GREB1: variants seen among roughly 807,000 people sequenced by gnomAD.
GREB1 encodes protein GREB1.
GREB1 carries 106 observed loss-of-function variants against 200.7 expected under a neutral mutation model. The ratio of observed to expected loss-of-function variants is 0.53; its 90% CI spans 0.45 to 0.62. The LOEUF is 0.62. GREB1 is among the 20% of genes least tolerant of loss of function. The pLI is 0.00. For missense variants in GREB1, 2,243 were observed against 2,556.8 expected, an observed-to-expected ratio of 0.88 and a Z score of 2.65; for synonymous variants, 1,132 against 1,092.4, an observed-to-expected ratio of 1.04 and a Z score of -0.72.
At chr2:11,544,022 G>A (rs1312494251) in intron 1 of GREB1, among the ~76,000 whole-genome samples, 1 of 152,156 alleles carries the variant, frequency 6.6e-6, no homozygotes, top group Non-Finnish European at 1.5e-5. Flanking sequence ...TGTTATCTTA[G>A]GAAGTGAGTT....
chr2:11,542,304 AT>A (rs1674834827), intron 1 of GREB1, among the ~76,000 whole-genome samples: 1 of 152,142 alleles, frequency 6.6e-6, no homozygotes, highest in Non-Finnish European at 1.5e-5. Flanking sequence ...AGACCTGGCT[AT>A]CTGTACTTGA....
chr2:11,516,652 G>T (rs1037037098), intron 1 of GREB1, among the ~76,000 whole-genome samples: 1 of 151,522 alleles, frequency 6.6e-6, no homozygotes, highest in African/African-American at 2.4e-5. Context: ...GGGCCCATGC[G>T]GTTGAGGCGT....
At chr2:11,596,662 TG>T (rs1480935815) in intron 13 of GREB1, among the ~76,000 whole-genome samples, 5 of 23,694 alleles carry the variant, frequency 2.1e-4, no homozygotes, top group African/African-American at 6.8e-4. Context: ...TGAGAGTAGG[TG>T]GGGGCACAGG....
chr2:11,511,064 G>C (rs1673335920), intron 1 of GREB1, among the ~76,000 whole-genome samples: 1 of 152,112 alleles, frequency 6.6e-6, no homozygotes, highest in South Asian at 2.1e-4. Context: ...GCCCAGCTTT[G>C]GCCAGCGCAA....
Position 11,592,784 on chromosome 2 carries a change from C to A in GREB1, c.1354C>A (p.Gln452Lys). ...VYYLVQLAADQVPLMEDLEQI... is the reference protein window; with the variant it reads ...VYYLVQLAADKVPLMEDLEQI... ...CCCGCATTGTGTTGCAGCCGCGGAC[C>A]AGGTGCCCTTGATGGAGGACCTGGA... Residue 452 changes from glutamine to lysine, a missense_variant, in exon 11 of 33, where the codon CAG becomes AAG. By Grantham distance (53) the Gln-to-Lys change is moderately conservative. Transcript: ENST00000381486. 1 of 1,530,074 alleles carries A rather than the reference C, an allele frequency of 6.5e-7. No individual in the cohort carries two copies. Among genetic ancestry groups the A allele is most frequent in the Non-Finnish European group, 8.7e-7 (1 of 1,145,446 alleles). 94.8% of individuals were successfully genotyped at this position (1,530,074 alleles called of 1,614,324 possible).
intron 1 of GREB1, among the ~76,000 whole-genome samples, chr2:11,519,448 G>GTTTTTTTTT (rs1558497818): frequency 2.2e-5 from 2 of 90,170 alleles, no homozygotes; most frequent in African/African-American, 1.1e-4. Context: ...TACTTGTTTT[G>GTTTTTTTTT]GTTTTTTTTT....
intron 1 of GREB1, among the ~76,000 whole-genome samples, chr2:11,514,844 T>G (rs916672479): frequency 2.6e-5 from 4 of 152,246 alleles, no homozygotes; most frequent in Admixed American, 6.5e-5. Context: ...CAGGCATCAG[T>G]CATCTCTGTA....
At chr2:11,519,578 C>G (rs1296927166) in intron 1 of GREB1, among the ~76,000 whole-genome samples, 1 of 149,208 alleles carries the variant, frequency 6.7e-6, no homozygotes, top group Non-Finnish European at 1.5e-5. Flanking sequence ...CCCTCAGTCT[C>G]CTGAGTAGCT....
chr2:11,560,665 T>G (rs1271440840), intron 2 of GREB1, among the ~76,000 whole-genome samples: 1 of 151,748 alleles, frequency 6.6e-6, no homozygotes, highest in African/African-American at 2.4e-5. Flanking sequence ...CGCACCATTT[T>G]ACTCCAGTGT....
At chr2:11,599,454 T>C (rs1459216041) in intron 15 of GREB1, among the ~76,000 whole-genome samples, 1 of 148,988 alleles carries the variant, frequency 6.7e-6, no homozygotes, top group Admixed American at 6.7e-5. Context: ...ATTCTCCCAC[T>C]TCACCCTCCT....
chr2:11,615,669 T>G (rs1389546161), intron 20 of GREB1, among the ~76,000 whole-genome samples: 1 of 152,234 alleles, frequency 6.6e-6, no homozygotes, highest in African/African-American at 2.4e-5. Context: ...TAGTGTGATT[T>G]GCTTGTTTAT....
intron 13 of GREB1, among the ~76,000 whole-genome samples, chr2:11,596,804 CAG>C (rs199602270): frequency 0.013 from 1,040 of 81,130 alleles, 30 homozygotes; most frequent in African/African-American, 0.048. Context: ...TGTAAAGTGA[CAG>C]GGGGCAGGAT....
At chr2:11,619,518 T>C (rs767440756) in intron 22 of GREB1, among the ~76,000 whole-genome samples, 1 of 152,214 alleles carries the variant, frequency 6.6e-6, no homozygotes, top group South Asian at 2.1e-4. Context: ...TTACTTTTTC[T>C]GATTTAAAAA....
At chr2:11,512,053 G>A (rs2148451759) in intron 1 of GREB1, among the ~76,000 whole-genome samples, 1 of 152,264 alleles carries the variant, frequency 6.6e-6, no homozygotes, top group African/African-American at 2.4e-5. Context: ...AATTCCCAAG[G>A]CACTGGCAAT....
At chr2:11,586,583 A>G (rs1680119869) in intron 9 of GREB1, among the ~76,000 whole-genome samples, 1 of 152,242 alleles carries the variant, frequency 6.6e-6, no homozygotes, top group East Asian at 1.9e-4. Context: ...ACATGGCAAC[A>G]CACACATACA....
intron 3 of GREB1, among the ~76,000 whole-genome samples, chr2:11,564,997 A>C (rs1015416051): frequency 1.3e-5 from 2 of 152,090 alleles, no homozygotes; most frequent in Non-Finnish European, 2.9e-5. Context: ...CGTGGGAAAG[A>C]CCCACCCCCA....
intron 4 of GREB1, among the ~76,000 whole-genome samples, chr2:11,568,991 T>G (rs1572739966): frequency 6.6e-6 from 1 of 152,238 alleles, no homozygotes; most frequent in Admixed American, 6.5e-5. Flanking sequence ...CAGGGCTCAG[T>G]GCTTTTTAGT....
intron 22 of GREB1, 105 bp downstream of exon 22, chr2:11,619,024 C>T: frequency 8.9e-7 from 1 of 1,121,520 alleles, no homozygotes; most frequent in Non-Finnish European, 1.2e-6. Flanking sequence ...CTTCACTTTT[C>T]ACCCTTCCCG....
intron 2 of GREB1, among the ~76,000 whole-genome samples, chr2:11,561,976 A>G (rs537715239): frequency 6.6e-6 from 1 of 152,264 alleles, no homozygotes; most frequent in East Asian, 1.9e-4. Context: ...CTGAACCTCC[A>G]TTTCCTGTTT....
Sources: gnomAD v4.1 joint callset for allele counts (sites outside exome capture counted in the v4.1 genomes callset) on GRCh38, gnomAD v4.1.1 for gene constraint, MANE v1.5 for transcripts, NCBI Gene and HGNC (gene_info 2026-07-23, HGNC 2026-07-21) for gene names.